TCF4: variants seen among roughly 807,000 people sequenced by gnomAD.
The protein encoded by TCF4 is transcription factor 4, also known as SL3-3 enhancer factor 2.
A neutral mutation model predicts 82.1 loss-of-function variants in TCF4; 3 were observed. The observed-to-expected ratio is 0.04, with a 90% CI of 0.02 to 0.09. TCF4 has a LOEUF of 0.09. Among genes scored for constraint, TCF4 ranks in the 10% least tolerant of loss-of-function variants. The pLI is 1.00. For missense variants in TCF4, 518 were observed against 852.7 expected (o/e 0.61, Z 4.89); for synonymous variants, 276 against 309.6 (o/e 0.89, Z 1.14).
At chr18:55,321,503 T>C in intron 8 of TCF4, 3 of 1,001,804 alleles carry the variant, frequency 3.0e-6, no homozygotes, top group Non-Finnish European at 4.5e-6. Flanking sequence ...GGAGAAGAAG[T>C]AGGCAAGAAG....
chr18:55,389,454 C>T (rs1195384446), intron 6 of TCF4, among the ~76,000 whole-genome samples: 2 of 152,164 alleles, frequency 1.3e-5, no homozygotes, highest in African/African-American at 2.4e-5. Flanking sequence ...AGAGGCAGCT[C>T]GCTCTGCCCT....
chr18:55,428,105 ACT>A (rs1179417261), intron 5 of TCF4, among the ~76,000 whole-genome samples: 1 of 152,084 alleles, frequency 6.6e-6, no homozygotes, highest in East Asian at 1.9e-4. Context: ...CACCAAGAAA[ACT>A]CTCTGAAAAT....
intron 3 of TCF4, among the ~76,000 whole-genome samples, chr18:55,511,535 A>C (rs1232583374): frequency 6.6e-6 from 1 of 152,116 alleles, no homozygotes. Flanking sequence ...AATTGTACCA[A>C]GTACTTTAAC....
intron 8 of TCF4, chr18:55,321,352 C>T: frequency 2.8e-6 from 1 of 357,134 alleles, no homozygotes. Context: ...AAGAATTTTC[C>T]AAAACTCTTT....
upstream of TCF4, among the ~76,000 whole-genome samples, chr18:55,593,584 A>G (rs914055553): frequency 6.6e-6 from 1 of 152,180 alleles, no homozygotes; most frequent in Non-Finnish European, 1.5e-5. Context: ...TCATGTCGTT[A>G]AGGAGCGGCA....
rs191212912 is a variant in TCF4 at position 55,340,010 on chromosome 18, C to T, written c.549+10349G>A. ...GCCACACAGGTCTACCTAGTCCACACATCTTCATCTTGCCAGGCAAAGCTA... is the reference window on the plus strand; with the variant it reads ...GCCACACAGGTCTACCTAGTCCACATATCTTCATCTTGCCAGGCAAAGCTA... On this transcript the variant is annotated intron_variant, in intron 8 of 19. Transcript: ENST00000354452. 1.6e-3 allele frequency among the ~76,000 whole-genome samples: 248 copies of T among 152,322 alleles called. 1 individual carries two copies. The highest frequency in any genetic ancestry group is 3.0e-3 in the Non-Finnish European group (204 of 68,022).
In TCF4 at chr18:55,461,006, A is replaced by G. The variant is rs777450664; in HGVS notation, c.304+13T>C. On this transcript the variant is annotated intron_variant, in intron 5 of 19. Coordinates refer to ENST00000354452, the MANE Select transcript of TCF4 (RefSeq NM_001083962.2). ...CATTCAAAAAGTGTAAGTTAATTTAAAATGGGTCTTACTTTGTATTCTGGA... is the reference window on the plus strand; with the variant it reads ...CATTCAAAAAGTGTAAGTTAATTTAGAATGGGTCTTACTTTGTATTCTGGA... 1.2e-6 allele frequency: 2 copies of G among 1,610,540 alleles called. No homozygotes were observed. Among genetic ancestry groups the G allele is most frequent in the Non-Finnish European group, 1.7e-6 (2 of 1,177,300 alleles).
At chr18:55,463,706 T>A (rs558033706) in intron 4 of TCF4, among the ~76,000 whole-genome samples, 3 of 152,280 alleles carry the variant, frequency 2.0e-5, no homozygotes, top group Non-Finnish European at 2.9e-5. Context: ...GGAATTTTTT[T>A]AAGTTTTTCC....
intron 3 of TCF4, among the ~76,000 whole-genome samples, chr18:55,524,545 G>T (rs1399707240): frequency 6.6e-6 from 1 of 152,044 alleles, no homozygotes; most frequent in Non-Finnish European, 1.5e-5. Flanking sequence ...TATTGATTAA[G>T]TAATCAATAT....
chr18:55,590,470 ACG>A (rs2097683226), upstream of TCF4, among the ~76,000 whole-genome samples: 3 of 152,244 alleles, frequency 2.0e-5, no homozygotes, highest in African/African-American at 7.2e-5. Context: ...GCCATAAGCC[ACG>A]ACTGACTCAA....
chr18:55,443,978 CAG>C (rs1335046906), intron 5 of TCF4, among the ~76,000 whole-genome samples: 14 of 152,126 alleles, frequency 9.2e-5, no homozygotes, highest in Non-Finnish European at 1.9e-4. Context: ...AACTGTGACT[CAG>C]AGAAAGCAAC....
intron 5 of TCF4, among the ~76,000 whole-genome samples, chr18:55,459,835 A>T (rs141799378): frequency 1.3e-5 from 2 of 152,310 alleles, no homozygotes; most frequent in Non-Finnish European, 2.9e-5. Context: ...AAATAAGAAC[A>T]TTCTATGACC....
At chr18:55,229,497 T>C (rs2144437586) in intron 17 of TCF4, 1 of 196,258 alleles carries the variant, frequency 5.1e-6, no homozygotes, top group South Asian at 9.1e-5. Context: ...ATTTTTTAAA[T>C]ATATATAAAA....
chr18:55,464,617 G>C (rs576924950), intron 3 of TCF4, among the ~76,000 whole-genome samples: 10 of 152,306 alleles, frequency 6.6e-5, no homozygotes, highest in Admixed American at 2.0e-4. Context: ...AACAGAAAAT[G>C]AGACTGAGAA....
rs996089010 is a variant in TCF4, at chr18:55,584,473, T to TA, written c.145+806dup. Among the ~76,000 whole-genome samples the TA allele has an allele frequency of 2.0e-5, 3 of 152,036 alleles. No individual in the cohort carries two copies. The South Asian group carries it at 6.2e-4, about 32-fold the overall frequency. ...TTTTCTTATTTGAAATTCATTGGATTAAAAAAAATACATTTTAAATGAATA... is the reference window on the plus strand; with the variant it reads ...TTTTCTTATTTGAAATTCATTGGATTAAAAAAAAATACATTTTAAATGAATA... On this transcript the variant is annotated intron_variant, in intron 3 of 19. Transcript: ENST00000354452.
intron 3 of TCF4, among the ~76,000 whole-genome samples, chr18:55,488,435 T>C (rs1309974459): frequency 1.3e-5 from 2 of 151,454 alleles, no homozygotes; most frequent in Admixed American, 1.3e-4. Flanking sequence ...CCAGAAGAGG[T>C]TGAGAATTAG....
chr18:55,326,987 C>T (rs914360402), intron 8 of TCF4, among the ~76,000 whole-genome samples: 1 of 152,036 alleles, frequency 6.6e-6, no homozygotes, highest in African/African-American at 2.4e-5. Flanking sequence ...AACAGGAGGA[C>T]GCAGACAGAC....
At chr18:55,584,644 A>G (rs2147836821) in intron 3 of TCF4, among the ~76,000 whole-genome samples, 1 of 152,292 alleles carries the variant, frequency 6.6e-6, no homozygotes, top group South Asian at 2.1e-4. Context: ...TCTTTCATTT[A>G]TAAAACGTAA....
chr18:55,282,814 G>A (rs1010083117), intron 8 of TCF4, among the ~76,000 whole-genome samples: 6 of 152,022 alleles, frequency 3.9e-5, no homozygotes, highest in African/African-American at 1.4e-4. Flanking sequence ...AAAATCTAAT[G>A]AGAAACAAAT....
Sources: gnomAD v4.1 joint callset for allele counts (sites outside exome capture counted in the v4.1 genomes callset) on GRCh38, gnomAD v4.1.1 for gene constraint, MANE v1.5 for transcripts, NCBI Gene and HGNC (gene_info 2026-07-23, HGNC 2026-07-21) for gene names.